Variants in PTPRZ1 observed in about 807,000 individuals in gnomAD.
The protein encoded by PTPRZ1 is receptor-type tyrosine-protein phosphatase zeta.
A neutral mutation model predicts 214.1 loss-of-function variants in PTPRZ1; 82 were observed. That is an observed-to-expected ratio of 0.38 (90% confidence interval 0.32 to 0.46). The LOEUF (loss-of-function observed/expected upper bound fraction) is 0.46, where lower values mean the gene tolerates loss of function less well. Among genes scored for constraint, PTPRZ1 ranks in the 20% least tolerant of loss-of-function variants. The probability of loss-of-function intolerance (pLI) is 1.00; values close to 1 mark genes in which losing one functional copy is unlikely to be tolerated. For synonymous variants in PTPRZ1, 945 were observed against 987.9 expected (o/e 0.96, Z 0.81); for missense variants, 2,603 against 2,748.7 (o/e 0.95, Z 1.19).
At chr7:121,880,394 A>T (rs1391310140) in intron 1 of PTPRZ1, among the ~76,000 whole-genome samples, 1 of 152,154 alleles carries the variant, frequency 6.6e-6, no homozygotes, top group Non-Finnish European at 1.5e-5. Context: ...GAGAATACAG[A>T]TATTTTCCTG....
At chr7:121,931,758 T>C (rs1354709405) in intron 2 of PTPRZ1, among the ~76,000 whole-genome samples, 1 of 152,198 alleles carries the variant, frequency 6.6e-6, no homozygotes, top group Admixed American at 6.5e-5. Context: ...ACAGCACCTA[T>C]AGAGTGGCTA....
intron 1 of PTPRZ1, among the ~76,000 whole-genome samples, chr7:121,892,679 C>CATATATATATATATATAT (rs58030102): frequency 7.1e-5 from 7 of 98,212 alleles, no homozygotes; most frequent in Admixed American, 1.2e-4. Flanking sequence ...TCAAGCATCT[C>CATATATATATATATATAT]ATATATATAT....
At chr7:121,919,007 ACATCATGTTAATCTCTGTTAAT>A (rs1204537583) in intron 1 of PTPRZ1, among the ~76,000 whole-genome samples, 2 of 152,036 alleles carry the variant, frequency 1.3e-5, no homozygotes, top group Non-Finnish European at 2.9e-5. Flanking sequence ...ACATCTTGGT[ACATCATGTTAATCTCTGTTAAT>A]CTTTTAAAAT....
chr7:121,907,668 G>A (rs983629759), intron 1 of PTPRZ1, among the ~76,000 whole-genome samples: 3 of 151,820 alleles, frequency 2.0e-5, no homozygotes, highest in African/African-American at 4.8e-5. Flanking sequence ...AACTCAGGGT[G>A]TTTTGAAATT....
At chr7:122,051,573 T>A (rs1261158491) in intron 24 of PTPRZ1, 52 bp downstream of exon 24, 1 of 1,487,460 alleles carries the variant, frequency 6.7e-7, no homozygotes, top group African/African-American at 1.4e-5. Context: ...AATAAAAGCC[T>A]TGTAGGAAAT....
chr7:121,874,520 T>C (rs941357943), intron 1 of PTPRZ1, among the ~76,000 whole-genome samples: 7 of 152,228 alleles, frequency 4.6e-5, no homozygotes, highest in South Asian at 4.1e-4. Context: ...ATTTAATTCT[T>C]TTCAGAGGCT....
intron 27 of PTPRZ1, among the ~76,000 whole-genome samples, chr7:122,058,004 G>A (rs1792423555): frequency 2.0e-5 from 3 of 149,292 alleles, no homozygotes; most frequent in African/African-American, 7.5e-5. Context: ...ATATATATGT[G>A]TGCTTGTTCT....
intron 1 of PTPRZ1, chr7:121,908,378 CTA>C (rs1433735290): frequency 3.6e-6 from 1 of 277,134 alleles, no homozygotes; most frequent in South Asian, 3.4e-5. Flanking sequence ...AGAATATCAA[CTA>C]TACATCATCT....
chr7:122,004,507 T>A, intron 10 of PTPRZ1, 107 bp from the exon 11 acceptor site: 1 of 642,940 alleles, frequency 1.6e-6, no homozygotes, highest in South Asian at 1.7e-5. Context: ...AAAGCTGACA[T>A]TAACTTTTTT....
chr7:121,913,609 C>G (rs1171833262), intron 1 of PTPRZ1, among the ~76,000 whole-genome samples: 1 of 152,158 alleles, frequency 6.6e-6, no homozygotes, highest in African/African-American at 2.4e-5. Context: ...TGCATTTAAC[C>G]TGGCTAGTTT....
chr7:122,044,581 G>A lies in PTPRZ1; in HGVS notation c.6084+13G>A. 1 of 1,612,202 alleles carries A rather than the reference G, an allele frequency of 6.2e-7. No homozygotes were observed. Among genetic ancestry groups the A allele is most frequent in the East Asian group, 2.2e-5 (1 of 44,782 alleles). On this transcript the variant is annotated intron_variant, in intron 23 of 29. Transcript: ENST00000393386. ...GAAACAATTCCAGGTGAGTCCTCTT[G>A]GAAGCCTCTTGGATGTCACTACAGA... is the stretch of plus-strand genomic sequence containing the variant.
At chr7:121,935,504 C>T (rs13247483) in intron 2 of PTPRZ1, among the ~76,000 whole-genome samples, 39,881 of 151,328 alleles carry the variant, frequency 0.26, 5,356 homozygotes, top group Admixed American at 0.29. Flanking sequence ...TTTGTTTGTT[C>T]GTTTGTTCGT....
intron 4 of PTPRZ1, among the ~76,000 whole-genome samples, chr7:121,973,896 T>G (rs1371667441): frequency 8.0e-6 from 1 of 125,760 alleles, no homozygotes. Context: ...ATCACACCAC[T>G]GCACTCCAGA....
chr7:121,991,222 A>G (rs1797951989), intron 8 of PTPRZ1, among the ~76,000 whole-genome samples: 1 of 152,212 alleles, frequency 6.6e-6, no homozygotes, highest in Admixed American at 6.5e-5. Flanking sequence ...AGTCCCTTGA[A>G]TGTAACGTGC....
chr7:121,982,031 G>A (rs1363336329), intron 6 of PTPRZ1, among the ~76,000 whole-genome samples: 1 of 152,042 alleles, frequency 6.6e-6, no homozygotes, highest in South Asian at 2.1e-4. Context: ...TTATGAATAT[G>A]TTCATTTAAA....
Position 121,964,964 on chromosome 7 carries a change from A to G in PTPRZ1, c.125-2987A>G, listed in dbSNP as rs567599213. 1.6e-4 allele frequency among the ~76,000 whole-genome samples: 24 copies of G among 152,328 alleles called. No homozygotes were observed. In the South Asian group the frequency reaches 4.3e-3, roughly 28 times the overall value. On this transcript the variant is annotated intron_variant, in intron 2 of 29. Coordinates refer to ENST00000393386, the MANE Select transcript of PTPRZ1 (RefSeq NM_002851.3). ...GAGCAGAGAGGACATGAGCGGGGAC[A>G]TCATATAGGATCTGTTGGCCATAAC...
intron 2 of PTPRZ1, among the ~76,000 whole-genome samples, chr7:121,967,744 A>G (rs1445617044): frequency 6.6e-6 from 1 of 152,170 alleles, no homozygotes; most frequent in Non-Finnish European, 1.5e-5. Context: ...TTATAGTGGC[A>G]TGGTTGTTCT....
At chr7:121,955,479 C>A (rs762059936) in intron 2 of PTPRZ1, among the ~76,000 whole-genome samples, 1 of 151,704 alleles carries the variant, frequency 6.6e-6, no homozygotes, top group Non-Finnish European at 1.5e-5. Flanking sequence ...CTGCATTTGC[C>A]GTCTCATTGG....
chr7:122,012,544 G>A lies in PTPRZ1; in HGVS notation c.3498G>A (p.Gln1166=), dbSNP rs61732011. ...GTGAAATGTTATCTCCTTCAACTCA[G>A]CTCTTATTTTATGAGACCTCAGCTT... ...ASSEMLSPST[Q]LLFYETSASF... Residue 1166 remains glutamine (Q), a synonymous_variant, in exon 12 of 30, where the codon CAG becomes CAA. Transcript: ENST00000393386. 1.0e-3 allele frequency: 1,675 copies of A among 1,614,060 alleles called. 16 individuals carry two copies. The African/African-American group carries it at 0.019, about 19-fold the overall frequency.
Sources: gnomAD v4.1 joint callset for allele counts (sites outside exome capture counted in the v4.1 genomes callset) on GRCh38, gnomAD v4.1.1 for gene constraint, MANE v1.5 for transcripts, NCBI Gene and HGNC (gene_info 2026-07-23, HGNC 2026-07-21) for gene names.